The following APBB2 variants were observed in gnomAD, a reference collection of about 807,000 sequenced individuals.
The protein encoded by APBB2 is Fe65-like 1.
In APBB2, 38 loss-of-function variants were observed where a neutral mutation model predicts 82.5. The observed-to-expected ratio is 0.46, with a 90% CI of 0.36 to 0.60. APBB2 has a LOEUF of 0.60. Ranked by LOEUF, APBB2 falls within the 20% of genes least tolerant of loss-of-function variation. APBB2 has a pLI of 0.00. For missense variants in APBB2, 772 were observed against 972.3 expected, an observed-to-expected ratio of 0.79 and a Z score of 2.74; for synonymous variants, 341 against 368.2, an observed-to-expected ratio of 0.93 and a Z score of 0.85.
chr4:40,966,249 T>C (rs934372142), intron 6 of APBB2, among the ~76,000 whole-genome samples: 6 of 152,176 alleles, frequency 3.9e-5, no homozygotes, highest in East Asian at 1.9e-4. Flanking sequence ...CACACTCCTT[T>C]GTATGCACGA....
chr4:41,045,325 G>C (rs569662852), intron 4 of APBB2, among the ~76,000 whole-genome samples: 25 of 151,808 alleles, frequency 1.6e-4, no homozygotes, highest in Non-Finnish European at 8.8e-5. Flanking sequence ...ATGGAGTCTC[G>C]CTCTGTTGCC....
At chr4:40,922,705 G>A (rs1458057182) in intron 10 of APBB2, among the ~76,000 whole-genome samples, 1 of 152,026 alleles carries the variant, frequency 6.6e-6, no homozygotes, top group African/African-American at 2.4e-5. Context: ...CTGCCTCCCA[G>A]GCTCAAGTCG....
chr4:41,206,957 A>G (rs9995634), intron 1 of APBB2, among the ~76,000 whole-genome samples: 151,228 of 152,206 alleles, frequency 0.99, 75,132 homozygotes, highest in East Asian at 1. Context: ...CAGCACTTTG[A>G]GAGGCTGAGG....
At chr4:40,955,057 T>C (rs1484549488) in intron 6 of APBB2, among the ~76,000 whole-genome samples, 1 of 152,226 alleles carries the variant, frequency 6.6e-6, no homozygotes, top group Non-Finnish European at 1.5e-5. Flanking sequence ...CATTCTTCTG[T>C]ACCGATGACC....
chr4:40,887,221 A>G (rs1770585641), intron 12 of APBB2, among the ~76,000 whole-genome samples: 1 of 152,234 alleles, frequency 6.6e-6, no homozygotes, highest in South Asian at 2.1e-4. Flanking sequence ...TTCCAAGTAA[A>G]TCAAAACCAC....
At chr4:41,170,355 C>G (rs1368439132) in intron 1 of APBB2, among the ~76,000 whole-genome samples, 1 of 152,216 alleles carries the variant, frequency 6.6e-6, no homozygotes, top group Admixed American at 6.5e-5. Flanking sequence ...TGCCCCCAGA[C>G]ATAGTCTCAG....
intron 4 of APBB2, among the ~76,000 whole-genome samples, chr4:41,044,199 T>A (rs1382163111): frequency 6.6e-6 from 1 of 152,234 alleles, no homozygotes; most frequent in Non-Finnish European, 1.5e-5. Context: ...GGTTTTCCAG[T>A]GGTACAGTTC....
At chr4:41,074,608 A>ATTTTTTT (rs370714146) in intron 3 of APBB2, among the ~76,000 whole-genome samples, 1 of 136,666 alleles carries the variant, frequency 7.3e-6, no homozygotes, top group Non-Finnish European at 1.6e-5. Flanking sequence ...TATTATTATT[A>ATTTTTTT]TTTTTTTTTT....
At chr4:40,847,178 C>G (rs1443940359) in intron 12 of APBB2, among the ~76,000 whole-genome samples, 1 of 152,098 alleles carries the variant, frequency 6.6e-6, no homozygotes, top group African/African-American at 2.4e-5. Flanking sequence ...ATAAAAAATA[C>G]CAGGTCAGGC....
At chr4:41,054,827 C>A (rs992727866) in intron 4 of APBB2, among the ~76,000 whole-genome samples, 1 of 152,192 alleles carries the variant, frequency 6.6e-6, no homozygotes, top group Non-Finnish European at 1.5e-5. Context: ...CCATGGAAAC[C>A]TTTAAGCTAC....
intron 2 of APBB2, among the ~76,000 whole-genome samples, chr4:41,136,230 TAAG>T (rs1170714605): frequency 6.6e-6 from 1 of 152,156 alleles, no homozygotes; most frequent in East Asian, 1.9e-4. Context: ...AAAACAAGAA[TAAG>T]AAGACCTTAT....
chr4:41,123,091 T>C (rs1342356427), intron 2 of APBB2, among the ~76,000 whole-genome samples: 1 of 152,098 alleles, frequency 6.6e-6, no homozygotes, highest in Non-Finnish European at 1.5e-5. Flanking sequence ...AGCAGCCCTC[T>C]CTTGCCCCAG....
intron 1 of APBB2, among the ~76,000 whole-genome samples, chr4:41,149,871 C>G (rs1422683640): frequency 6.6e-6 from 1 of 152,218 alleles, no homozygotes; most frequent in Non-Finnish European, 1.5e-5. Context: ...TGCACACACA[C>G]TCTTTCCTGA....
intron 6 of APBB2, among the ~76,000 whole-genome samples, chr4:40,973,110 T>C (rs1343840853): frequency 6.6e-6 from 1 of 152,188 alleles, no homozygotes; most frequent in African/African-American, 2.4e-5. Context: ...TATTCTCCAA[T>C]TTCCCTTCCA....
chr4:41,049,853 C>T (rs1294846644), intron 4 of APBB2, among the ~76,000 whole-genome samples: 1 of 152,098 alleles, frequency 6.6e-6, no homozygotes, highest in Non-Finnish European at 1.5e-5. Context: ...TGTGCTATGT[C>T]CACTCAGGGT....
chr4:41,117,722 T>A (rs1305714880), intron 2 of APBB2, among the ~76,000 whole-genome samples: 1 of 152,158 alleles, frequency 6.6e-6, no homozygotes, highest in Non-Finnish European at 1.5e-5. Flanking sequence ...GCTTCCAAAT[T>A]CCTAAGCGCT....
chr4:40,888,948 A>C (rs1771162706), intron 12 of APBB2, among the ~76,000 whole-genome samples: 1 of 152,260 alleles, frequency 6.6e-6, no homozygotes, highest in African/African-American at 2.4e-5. Context: ...CCTTCCACCA[A>C]AGTTAAATGT....
chr4:40,991,515 A>G (rs9998897), intron 6 of APBB2, among the ~76,000 whole-genome samples: 24,399 of 151,960 alleles, frequency 0.16, 1,987 homozygotes, highest in Middle Eastern at 0.24. Context: ...TTTTTTTAAA[A>G]ATATGTATCC....
chr4:41,006,922 A>G (rs1806921775), intron 6 of APBB2, among the ~76,000 whole-genome samples: 1 of 152,268 alleles, frequency 6.6e-6, no homozygotes, highest in African/African-American at 2.4e-5. Flanking sequence ...AGCTAAAGCC[A>G]GAAATAAGAG....
Sources: allele counts gnomAD v4.1 joint callset (sites outside exome capture counted in the v4.1 genomes callset), GRCh38; gene constraint gnomAD v4.1.1; transcripts MANE v1.5; gene names NCBI Gene and HGNC (gene_info 2026-07-23, HGNC 2026-07-21).